PPARGC1A: variants seen among roughly 807,000 people sequenced by gnomAD.
The protein encoded by PPARGC1A is PPARG coactivator 1 alpha, also known as peroxisome proliferator-activated receptor gamma coactivator 1-alpha.
A neutral mutation model predicts 88.7 loss-of-function variants in PPARGC1A; 25 were observed. The observed-to-expected ratio is 0.28, with a 90% CI of 0.21 to 0.39. The LOEUF (loss-of-function observed/expected upper bound fraction) is 0.39, where lower values mean the gene tolerates loss of function less well. Ranked by LOEUF, PPARGC1A falls within the 10% of genes least tolerant of loss-of-function variation. The pLI is 1.00. For synonymous variants in PPARGC1A, 363 were observed against 355.6 expected, an observed-to-expected ratio of 1.02 and a Z score of -0.24; for missense variants, 880 against 968.7, an observed-to-expected ratio of 0.91 and a Z score of 1.22.
the PPARGC1A span, among the ~76,000 whole-genome samples, chr4:24,081,585 A>G: frequency 1.2e-3 from 178 of 152,166 alleles, no homozygotes; most frequent in African/African-American, 3.9e-3. Context: ...CACAATTTCA[A>G]TTGTTGGGGT....
the PPARGC1A span, among the ~76,000 whole-genome samples, chr4:23,993,669 G>GCTAAAA: frequency 6.6e-6 from 1 of 151,972 alleles, no homozygotes; most frequent in African/African-American, 2.4e-5. Flanking sequence ...AGCTCATCAG[G>GCTAAAA]GCTACAGGCA....
At chr4:24,047,730 C>A in the PPARGC1A span, among the ~76,000 whole-genome samples, 3 of 152,212 alleles carry the variant, frequency 2.0e-5, no homozygotes, top group East Asian at 3.9e-4. Flanking sequence ...TGAGAACCAC[C>A]AAGCAAGTAA....
the PPARGC1A span, among the ~76,000 whole-genome samples, chr4:24,229,214 C>T: frequency 9.9e-5 from 13 of 131,402 alleles, no homozygotes; most frequent in African/African-American, 3.7e-4. Context: ...AGTACAGTGG[C>T]GCAATCTCAG....
the PPARGC1A span, among the ~76,000 whole-genome samples, chr4:24,087,715 C>A: frequency 0.028 from 4,299 of 152,286 alleles, 183 homozygotes; most frequent in African/African-American, 0.094. Context: ...AGTGCTCTCC[C>A]AGAGCTGAAG....
At chr4:24,138,984 G>A in the PPARGC1A span, among the ~76,000 whole-genome samples, 2 of 152,112 alleles carry the variant, frequency 1.3e-5, no homozygotes, top group African/African-American at 4.8e-5. Context: ...ATCCACCAAG[G>A]GAAGCTTGTT....
At chr4:24,134,103 G>T in the PPARGC1A span, among the ~76,000 whole-genome samples, 1 of 152,108 alleles carries the variant, frequency 6.6e-6, no homozygotes, top group African/African-American at 2.4e-5. Context: ...ACACATAAAA[G>T]GTGATTCTTT....
At chr4:24,454,725 G>C in the PPARGC1A span, among the ~76,000 whole-genome samples, 1 of 146,168 alleles carries the variant, frequency 6.8e-6, no homozygotes, top group East Asian at 2.0e-4. Context: ...GTGATAGAAA[G>C]AGACCTTGTC....
chr4:23,825,608 C>A (rs369068988), intron 5 of PPARGC1A, among the ~76,000 whole-genome samples: 1 of 152,044 alleles, frequency 6.6e-6, no homozygotes, highest in African/African-American at 2.4e-5. Flanking sequence ...TTGCATTCAA[C>A]GACTTTAAAG....
the PPARGC1A span, among the ~76,000 whole-genome samples, chr4:24,025,198 T>C: frequency 6.6e-6 from 1 of 152,170 alleles, no homozygotes; most frequent in Admixed American, 6.5e-5. Flanking sequence ...AGATATGCAG[T>C]GTCTTTTCTT....
the PPARGC1A span, among the ~76,000 whole-genome samples, chr4:24,320,530 C>T: frequency 6.6e-6 from 1 of 152,180 alleles, no homozygotes; most frequent in Non-Finnish European, 1.5e-5. Flanking sequence ...GGTTTTTGCT[C>T]TTTTTGACAT....
chr4:23,985,931 C>G, the PPARGC1A span, among the ~76,000 whole-genome samples: 12 of 152,098 alleles, frequency 7.9e-5, no homozygotes, highest in Non-Finnish European at 1.5e-4. Flanking sequence ...ACCTGTCCCT[C>G]TAGCCTTAGT....
chr4:23,807,701 C>T (rs545304804), intron 10 of PPARGC1A, among the ~76,000 whole-genome samples: 14 of 152,050 alleles, frequency 9.2e-5, no homozygotes, highest in African/African-American at 3.4e-4. Context: ...GTATCCATCA[C>T]CTCCAAAATT....
the PPARGC1A span, among the ~76,000 whole-genome samples, chr4:24,201,508 G>A: frequency 6.6e-6 from 1 of 152,206 alleles, no homozygotes. Flanking sequence ...AAGCACTTCA[G>A]CCAAGTTTGT....
chr4:23,959,164 A>G, the PPARGC1A span, among the ~76,000 whole-genome samples: 1 of 152,134 alleles, frequency 6.6e-6, no homozygotes, highest in Non-Finnish European at 1.5e-5. Flanking sequence ...AAATGTGACT[A>G]TATTGATCGA....
the PPARGC1A span, among the ~76,000 whole-genome samples, chr4:24,378,858 A>G: frequency 6.6e-6 from 1 of 152,218 alleles, no homozygotes; most frequent in Non-Finnish European, 1.5e-5. Flanking sequence ...TGACTAATCT[A>G]TAGCAAAGAT....
the PPARGC1A span, among the ~76,000 whole-genome samples, chr4:24,416,280 A>G: frequency 6.6e-6 from 1 of 151,498 alleles, no homozygotes; most frequent in South Asian, 2.1e-4. Flanking sequence ...AGACTCTTGA[A>G]GGCCAGGCTA....
chr4:24,387,427 A>G, the PPARGC1A span, among the ~76,000 whole-genome samples: 1 of 152,270 alleles, frequency 6.6e-6, no homozygotes, highest in Non-Finnish European at 1.5e-5. Context: ...TCTGCACAGC[A>G]AAAGAAACTA....
At chr4:23,873,893 A>G (rs747705855) in intron 2 of PPARGC1A, among the ~76,000 whole-genome samples, 1 of 152,240 alleles carries the variant, frequency 6.6e-6, no homozygotes, top group East Asian at 1.9e-4. Flanking sequence ...ATACCGTTAG[A>G]TGACAGCAGA....
chr4:24,225,919 G>A, the PPARGC1A span, among the ~76,000 whole-genome samples: 352 of 152,122 alleles, frequency 2.3e-3, 1 homozygote, highest in Non-Finnish European at 4.0e-3. Context: ...CTGAGAATGG[G>A]ACCAAATGAA....
Sources: gnomAD v4.1 joint callset for allele counts (sites outside exome capture counted in the v4.1 genomes callset) on GRCh38, gnomAD v4.1.1 for gene constraint, MANE v1.5 for transcripts, NCBI Gene and HGNC (gene_info 2026-07-23, HGNC 2026-07-21) for gene names.